The following ACOX1 variants were observed in gnomAD, a reference collection of about 807,000 sequenced individuals.
The protein encoded by ACOX1 is peroxisomal acyl-coenzyme A oxidase 1.
In ACOX1, 41 loss-of-function variants were observed where a neutral mutation model predicts 75.5. That is an observed-to-expected ratio of 0.54 (90% CI 0.42 to 0.70). ACOX1 has a LOEUF of 0.70. ACOX1 is among the 30% of genes least tolerant of loss of function. The probability of loss-of-function intolerance (pLI) is 0.00; values close to 1 mark genes in which losing one functional copy is unlikely to be tolerated. For missense variants in ACOX1, 630 were observed against 837.5 expected, an observed-to-expected ratio of 0.75 and a Z score of 3.06; for synonymous variants, 303 against 298.8, an observed-to-expected ratio of 1.01 and a Z score of -0.15.
In ACOX1 at chr17:75,978,466, G is replaced by C. The variant is rs1165684322; in HGVS notation, c.269+68C>G. 18 of 1,588,142 alleles carry C rather than the reference G, an allele frequency of 1.1e-5. No individual in the cohort carries two copies. Among genetic ancestry groups the C allele is most frequent in the Non-Finnish European group, 1.5e-5 (17 of 1,157,116 alleles). On this transcript the variant is annotated intron_variant, in intron 2 of 13. Coordinates refer to ENST00000293217, the MANE Select transcript of ACOX1 (RefSeq NM_004035.7). The surrounding 1 kb of genome is among the most constrained non-coding windows in gnomAD (Gnocchi z 4.2). Reference sequence around the variant, plus strand: ...TCAAACACCAAGCACGGTGATGAAAGGCCACCATAGACCGCAGCTGTAAAG... The same window carrying C: ...TCAAACACCAAGCACGGTGATGAAACGCCACCATAGACCGCAGCTGTAAAG...
At chr17:75,962,080 A>G (rs2065893671) in intron 2 of ACOX1, among the ~76,000 whole-genome samples, 1 of 152,092 alleles carries the variant, frequency 6.6e-6, no homozygotes, top group Non-Finnish European at 1.5e-5. Context: ...TATTCCTCAC[A>G]TAGCTCTGAT....
chr17:75,973,794 G>A (rs2066019066), intron 2 of ACOX1: 1 of 1,613,580 alleles, frequency 6.2e-7, no homozygotes, highest in Non-Finnish European at 8.5e-7. Context: ...GTCTACAGGA[G>A]AGAAGAGAAA....
intron 2 of ACOX1, among the ~76,000 whole-genome samples, chr17:75,972,258 C>T (rs144571252): frequency 0.019 from 2,821 of 145,166 alleles, 52 homozygotes; most frequent in East Asian, 0.088. Context: ...ACCCAGGAGG[C>T]GGAGCTTGCA....
intron 2 of ACOX1, among the ~76,000 whole-genome samples, chr17:75,965,048 T>G (rs9914498): frequency 0.016 from 2,453 of 151,852 alleles, 73 homozygotes; most frequent in African/African-American, 0.053. Flanking sequence ...GAAAAAAAAT[T>G]AACAGCACTC....
chr17:75,973,394 T>C (rs997137852), intron 2 of ACOX1: 15 of 567,818 alleles, frequency 2.6e-5, no homozygotes, highest in Non-Finnish European at 4.7e-5. Flanking sequence ...CTTTTCAAGC[T>C]GTTCAATAAT....
intron 6 of ACOX1, 59 bp downstream of exon 6, chr17:75,955,507 G>A: frequency 7.3e-7 from 1 of 1,374,830 alleles, no homozygotes; most frequent in Non-Finnish European, 1.0e-6. Flanking sequence ...CCTATTGTGA[G>A]TAACAGCCAC....
rs766696592 is a variant in ACOX1, at chr17:75,978,537, T to G, written c.266A>C (p.Lys89Thr). 3 of 1,614,122 alleles carry G rather than the reference T, an allele frequency of 1.9e-6. No homozygotes were observed. Among genetic ancestry groups the G allele is most frequent in the Admixed American group, 3.3e-5 (2 of 60,000 alleles). Residue 89 changes from lysine (K) to threonine (T), a missense_variant, in exon 2 of 14, where the codon AAA (lysine) becomes ACA (threonine). Physicochemically the swap from Lys to Thr is moderately conservative, Grantham distance 78. This residue lies in a region of ACOX1 where 390 missense variants were observed against 574.9 expected (regional missense o/e 0.68). Coordinates refer to ENST00000293217, the MANE Select transcript of ACOX1 (RefSeq NM_004035.7). This position sits in a 1 kb window ranked among gnomAD's most constrained non-coding sequence, Gnocchi z 4.2. ...CTCTGTTCTAAGGCATACCTACTTT[T>G]TAAACCACATAATTTCATCAGGGTC... ...IADPDEIMWF[K>T]NFVHRGRPEP...
intron 2 of ACOX1, among the ~76,000 whole-genome samples, chr17:75,966,909 C>T (rs1284963530): frequency 6.6e-6 from 1 of 151,786 alleles, no homozygotes; most frequent in East Asian, 1.9e-4. Flanking sequence ...TAAATTTAAC[C>T]TATTATAAAA....
chr17:75,976,840 TC>T (rs931301307), intron 2 of ACOX1, among the ~76,000 whole-genome samples: 4 of 152,058 alleles, frequency 2.6e-5, no homozygotes, highest in African/African-American at 9.7e-5. Flanking sequence ...TACGATTTAG[TC>T]TTTACCGATG....
chr17:75,959,687 C>A (rs1191834687), intron 3 of ACOX1, among the ~76,000 whole-genome samples: 2 of 152,140 alleles, frequency 1.3e-5, no homozygotes, highest in African/African-American at 4.8e-5. Flanking sequence ...TTGGTTTTTT[C>A]ACTCTCCAGC....
intron 3 of ACOX1, among the ~76,000 whole-genome samples, chr17:75,959,187 A>G (rs2065866721): frequency 6.6e-6 from 1 of 152,238 alleles, no homozygotes; most frequent in Non-Finnish European, 1.5e-5. Flanking sequence ...TGAAACATTT[A>G]GAAGCTTCCA....
Position 75,960,414 on chromosome 17 carries a change from GT to G in ACOX1, c.270-40del. 6.2e-7 allele frequency: 1 copy of G among 1,603,122 alleles called. No homozygotes were observed. The highest frequency in any genetic ancestry group is 8.5e-7 in the Non-Finnish European group (1 of 1,175,078). ...TCAAGGATGGGCATTTGAGAGAAGA[GT>G]CATCAGGTGTGAGAGAATCAGCAAT... On this transcript the variant is annotated intron_variant, in intron 2 of 13. Transcript: ENST00000293217. This position sits in a 1 kb window ranked among gnomAD's most constrained non-coding sequence, Gnocchi z 4.4.
In ACOX1 at chr17:75,978,762, C is replaced by G. The variant is rs2066083899; in HGVS notation, c.110-69G>C. 1 of 1,611,432 alleles carries G rather than the reference C, an allele frequency of 6.2e-7. No homozygotes were observed. The highest frequency in any genetic ancestry group is 8.5e-7 in the Non-Finnish European group (1 of 1,179,956). On this transcript the variant is annotated intron_variant, in intron 1 of 13. Transcript: ENST00000293217. The surrounding 1 kb of genome is among the most constrained non-coding windows in gnomAD (Gnocchi z 4.2). Reference sequence around the variant, plus strand: ...GGCCTCCGTTCCACCCTCCCTGAATCACAATAGGCTTCAGAGTCGCGGACA... The same window carrying G: ...GGCCTCCGTTCCACCCTCCCTGAATGACAATAGGCTTCAGAGTCGCGGACA...
intron 2 of ACOX1, among the ~76,000 whole-genome samples, chr17:75,965,076 C>T (rs2065918112): frequency 6.6e-6 from 1 of 152,062 alleles, no homozygotes; most frequent in African/African-American, 2.4e-5. Context: ...GTGGCTCACA[C>T]CTGTTAATAC....
chr17:75,944,311 G>T lies in ACOX1; in HGVS notation c.*2437C>A, dbSNP rs922163827. 6.6e-6 allele frequency: 1 copy of T among 152,160 alleles called. No homozygotes were observed. Among genetic ancestry groups the T allele is most frequent in the Non-Finnish European group, 1.5e-5 (1 of 68,024 alleles). 9.4% of individuals were successfully genotyped at this position (152,160 alleles called of 1,614,324 possible). A position where few individuals can be genotyped will look rare whatever the true frequency, so the allele number is the denominator to read the frequency against. The stretch of plus-strand genomic sequence containing the variant: ...ATGTATCTTTGTACTTGTGAAAATG[G>T]CTTACAAAATTTTGAATCCAACAGA... On this transcript the variant is annotated 3_prime_UTR_variant, in exon 14 of 14. Transcript: ENST00000293217.
chr17:75,977,776 C>T (rs74579692), intron 2 of ACOX1, among the ~76,000 whole-genome samples: 3,083 of 152,196 alleles, frequency 0.02, 74 homozygotes, highest in East Asian at 0.13. Flanking sequence ...TCATCCAGGT[C>T]CACACTACCA....
intron 6 of ACOX1, among the ~76,000 whole-genome samples, chr17:75,954,675 G>A (rs937189388): frequency 5.3e-5 from 7 of 132,282 alleles, no homozygotes; most frequent in East Asian, 2.6e-4. Context: ...GGGTTCAAGC[G>A]ATTCTCCTGC....
At chr17:75,962,006 C>T (rs1488692036) in intron 2 of ACOX1, among the ~76,000 whole-genome samples, 1 of 152,104 alleles carries the variant, frequency 6.6e-6, no homozygotes, top group Non-Finnish European at 1.5e-5. Flanking sequence ...GATGCAATTT[C>T]AATAATGCTT....
intron 4 of ACOX1, among the ~76,000 whole-genome samples, chr17:75,956,167 A>G (rs377644993): frequency 2.0e-5 from 3 of 152,218 alleles, no homozygotes; most frequent in African/African-American, 7.2e-5. Context: ...TCATACATTT[A>G]CGTAGAGAAA....
Sources: gnomAD v4.1 joint callset for allele counts (sites outside exome capture counted in the v4.1 genomes callset) on GRCh38, gnomAD v4.1.1 for gene constraint, gnomAD v4.1.1 regional missense constraint, Gnocchi (gnomAD v3.1) non-coding constraint, MANE v1.5 for transcripts, NCBI Gene and HGNC (gene_info 2026-07-23, HGNC 2026-07-21) for gene names.